The following PRSS37 variants were observed in gnomAD, a reference collection of about 807,000 sequenced individuals.
PRSS37 encodes serine protease 37.
PRSS37 carries 25 observed loss-of-function variants against 28.0 expected under a neutral mutation model. That is an observed-to-expected ratio of 0.89 (90% confidence interval 0.65 to 1.25). The LOEUF is 1.25. Among genes scored for constraint, PRSS37 ranks in the 50% most tolerant of loss-of-function variants. The pLI is 0.00. For missense variants in PRSS37, 282 were observed against 292.2 expected, an observed-to-expected ratio of 0.97 and a Z score of 0.25; for synonymous variants, 109 against 107.8, an observed-to-expected ratio of 1.01 and a Z score of -0.07.
At chr7:141,839,020 A>AAAAAAG (rs2117269721) in intron 2 of PRSS37, 1 of 511,492 alleles carries the variant, frequency 2.0e-6, no homozygotes, top group East Asian at 5.2e-5. Context: ...AGTAAAAAAA[A>AAAAAAG]AAAAAGAAAA....
intron 2 of PRSS37, chr7:141,838,445 T>C (rs1801041848): frequency 5.9e-6 from 7 of 1,189,046 alleles, no homozygotes; most frequent in Non-Finnish European, 7.4e-6. Context: ...AATGTCCATT[T>C]TGGTGGAGAC....
rs766186155 is a variant in PRSS37 at position 141,839,347 on chromosome 7, C to A, written c.167G>T (p.Cys56Phe). 32 of 1,613,568 alleles carry A rather than the reference C, an allele frequency of 2.0e-5. No individual in the cohort carries two copies. Among genetic ancestry groups the A allele is most frequent in the Non-Finnish European group, 1.7e-6 (2 of 1,179,800 alleles). ...KPSWVLAPAH[C>F]YLPNLKVMLG... ...TGCCCAAATACTCAACGGTAAATAG[C>A]AGTGAGCTGGGGCCAGCACCCAGCT... The change falls in exon 2 of 5, where the codon TGC (cysteine) becomes TTC (phenylalanine). Residue 56 changes from cysteine to phenylalanine, a missense_variant. Transcript: ENST00000350549.
Position 141,836,551 on chromosome 7 carries a change from CAGAG to C in PRSS37, c.568-20_568-17del, listed in dbSNP as rs10657416. The C allele has an allele frequency of 9.3e-4, 1,419 of 1,531,676 alleles. No homozygotes were observed. The highest frequency in any genetic ancestry group is 6.2e-3 in the African/African-American group (447 of 72,418). The allele number at this position is 1,531,676 out of a possible 1,614,324, so 94.9% of individuals were successfully genotyped here. ...CGGCCACCTCCTACCGGAGATCATG[CAGAG>C]AGAGAGAGAGAGAGAGAGTAAGAGT... is the stretch of plus-strand genomic sequence containing the variant. On this transcript the variant is annotated splice_polypyrimidine_tract_variant and intron_variant, in intron 4 of 4. Transcript: ENST00000350549.
In PRSS37 at chr7:141,839,439, G is replaced by T; in HGVS notation, c.75C>A (p.Asp25Glu). Residue 25 changes from aspartate to glutamate, a missense_variant, in exon 2 of 5, where the codon GAC becomes GAA. Asp to Glu is a conservative substitution (Grantham distance 45). Coordinates refer to ENST00000350549, the MANE Select transcript of PRSS37 (RefSeq NM_001008270.3). ...TGAGGTACACCAAATAGGGAGCAGG[G>T]TCTTCTTTCTGAACAGATGAGTCAG... ...FFADSSVQKE[D>E]PAPYLVYLKS... The T allele has an allele frequency of 6.2e-7, 1 of 1,613,614 alleles. No homozygotes were observed. Among genetic ancestry groups the T allele is most frequent in the Non-Finnish European group, 8.5e-7 (1 of 1,179,640 alleles).
rs1444889719 is a variant in PRSS37, at chr7:141,837,577, G to A, written c.430+283C>T. 9 of 1,503,792 alleles carry A rather than the reference G, an allele frequency of 6.0e-6. No individual in the cohort carries two copies. In the Admixed American group the frequency reaches 1.2e-4, roughly 20 times the overall value. The allele number at this position is 1,503,792 out of a possible 1,614,324, so 93.2% of individuals were successfully genotyped here. A position where few individuals can be genotyped will look rare whatever the true frequency, so the allele number is the denominator to read the frequency against. On this transcript the variant is annotated intron_variant, in intron 3 of 4. Transcript: ENST00000350549. ...GGACCACACCTTGTTCATGTGAATT[G>A]TGTCTCTGCCAATCAGGAATGGCTG...
intron 2 of PRSS37, chr7:141,838,822 C>A: frequency 2.8e-6 from 1 of 357,694 alleles, no homozygotes; most frequent in South Asian, 2.2e-5. Flanking sequence ...CTTTTTAGGC[C>A]TAGAGGTGGT....
At chr7:141,838,355 A>G in intron 2 of PRSS37, 1 of 1,373,940 alleles carries the variant, frequency 7.3e-7, no homozygotes, top group South Asian at 1.7e-5. Flanking sequence ...ACTACATTTT[A>G]ATGTTGTGTT....
Position 141,836,475 on chromosome 7 carries a change from A to G in PRSS37, c.628T>C (p.Phe210Leu). Residue 210 changes from phenylalanine (F) to leucine (L), a missense_variant, in exon 5 of 5, where the codon TTC becomes CTC. Physicochemically the swap from Phe to Leu is conservative, Grantham distance 22. Coordinates refer to ENST00000350549, the MANE Select transcript of PRSS37 (RefSeq NM_001008270.3). ...DKLQGIEVGH[F>L]MGGDVGIYTN... ...TAGATGCCGACGTCCCCTCCCATGAAGTGCCCCACCTCGATTCCCTGGAGC... is the reference window on the plus strand; with the variant it reads ...TAGATGCCGACGTCCCCTCCCATGAGGTGCCCCACCTCGATTCCCTGGAGC... The G allele has an allele frequency of 6.2e-7, 1 of 1,611,966 alleles. No individual in the cohort carries two copies. The highest frequency in any genetic ancestry group is 8.5e-7 in the Non-Finnish European group (1 of 1,179,192).
chr7:141,836,582 T>A, intron 4 of PRSS37, 47 bp from the exon 5 acceptor site: 2 of 1,597,382 alleles, frequency 1.3e-6, no homozygotes, highest in Non-Finnish European at 1.7e-6. Flanking sequence ...AGTAAGAGTG[T>A]CAGATCTTCT....
rs1800961678 is a variant in PRSS37, at chr7:141,836,517, C to T, written c.586G>A (p.Val196Ile). Residue 196 changes from valine to isoleucine, a missense_variant, in exon 5 of 5, where the codon GTC becomes ATC. Coordinates refer to ENST00000350549, the MANE Select transcript of PRSS37 (RefSeq NM_001008270.3). ...RIFGEVAVAT[V>I]ICKDKLQGIE... ...CCCTGGAGCTTGTCTTTGCAGATGA[C>T]AGTAGCAACGGCCACCTCCTACCGG... 6.2e-7 allele frequency: 1 copy of T among 1,614,036 alleles called. No individual in the cohort carries two copies. Among genetic ancestry groups the T allele is most frequent in the East Asian group, 2.2e-5 (1 of 44,874 alleles).
chr7:141,838,499 C>T, intron 2 of PRSS37: 2 of 1,100,092 alleles, frequency 1.8e-6, no homozygotes, highest in Non-Finnish European at 2.2e-6. Context: ...TGTTTGGTTC[C>T]CTAGCTGATG....
chr7:141,837,927 G>A lies in PRSS37; in HGVS notation c.363C>T (p.Ala121=), dbSNP rs1332479257. The part of the protein sequence containing the change: ...LNPKVQPLTL[A]TTNVRPGTVC... ...CAGTGCCTGGCCTGACATTGGTGGT[G>A]GCGAGGGTAAGGGGCTGGACTTTGG... is the stretch of plus-strand genomic sequence containing the variant. Residue 121 remains alanine (A), a synonymous_variant, in exon 3 of 5, where the codon GCC becomes GCT. Coordinates refer to ENST00000350549, the MANE Select transcript of PRSS37 (RefSeq NM_001008270.3). The A allele has an allele frequency of 1.2e-6, 2 of 1,614,104 alleles. No homozygotes were observed. Among genetic ancestry groups the A allele is most frequent in the East Asian group, 2.2e-5 (1 of 44,818 alleles).
intron 4 of PRSS37, among the ~76,000 whole-genome samples, chr7:141,836,821 A>T (rs1480889473): frequency 1.3e-5 from 2 of 152,156 alleles, no homozygotes; most frequent in Non-Finnish European, 2.9e-5. Context: ...TCTATTTGTG[A>T]AAAGTCTGAT....
In PRSS37 at chr7:141,836,449, G is replaced by T; in HGVS notation, c.654C>A (p.Tyr218Ter). 1 of 1,614,174 alleles carries T rather than the reference G, an allele frequency of 6.2e-7. No homozygotes were observed. The highest frequency in any genetic ancestry group is 1.6e-4 in the Middle Eastern group (1 of 6,062). Residue 218 changes from tyrosine to a stop codon, truncating the protein, a stop_gained, in exon 5 of 5, where the codon TAC (tyrosine) becomes TAA (stop). Coordinates refer to ENST00000350549, the MANE Select transcript of PRSS37 (RefSeq NM_001008270.3). LOFTEE classifies it high-confidence loss of function. ...AGGATACATATTTGTAAACATTGGT[G>T]TAGATGCCGACGTCCCCTCCCATGA... ...GHFMGGDVGIYTNVYKYVSWI... is the reference protein window; with the variant it reads ...GHFMGGDVGI
At position 141,839,365 on chromosome 7, in the gene PRSS37, A is replaced by G. The variant is rs765069019; in HGVS notation, c.149T>C (p.Val50Ala). 1 of 1,613,862 alleles carries G rather than the reference A, an allele frequency of 6.2e-7. No homozygotes were observed. Among genetic ancestry groups the G allele is most frequent in the Admixed American group, 1.7e-5 (1 of 60,006 alleles). ...TAAATAGCAGTGAGCTGGGGCCAGC[A>G]CCCAGCTGGGTTTGATGAGGACGCC... ...CVGVLIKPSW[V>A]LAPAHCYLPN... Residue 50 changes from valine to alanine, a missense_variant, in exon 2 of 5, where the codon GTG becomes GCG. Val to Ala is a moderately conservative substitution (Grantham distance 64). Coordinates refer to ENST00000350549, the MANE Select transcript of PRSS37 (RefSeq NM_001008270.3).
chr7:141,837,801 T>C, intron 3 of PRSS37, 59 bp downstream of exon 3: 3 of 1,578,068 alleles, frequency 1.9e-6, no homozygotes, highest in Non-Finnish European at 2.6e-6. Flanking sequence ...TATGAGGATA[T>C]GGATGTTCCT....
chr7:141,837,201 C>G lies in PRSS37; in HGVS notation c.478G>C (p.Asp160His). The G allele has an allele frequency of 6.2e-7, 1 of 1,613,002 alleles. No homozygotes were observed. Among genetic ancestry groups the G allele is most frequent in the Non-Finnish European group, 8.5e-7 (1 of 1,179,634 alleles). The change falls in exon 4 of 5, where the codon GAT becomes CAT. Residue 160 changes from aspartate (D) to histidine (H), a missense_variant. Physicochemically the swap from Asp to His is moderately conservative, Grantham distance 81. Coordinates refer to ENST00000350549, the MANE Select transcript of PRSS37 (RefSeq NM_001008270.3). Reference protein sequence around the residue: ...RQNLEAPVMSDRECQKTEQGK... With the variant: ...RQNLEAPVMSHRECQKTEQGK... The stretch of plus-strand genomic sequence containing the variant: ...TGTTCTGTTTTTTGGCATTCTCGAT[C>G]AGACATCACGGGGGCCTCCAGGTTC...
intron 2 of PRSS37, 106 bp from the exon 3 acceptor site, chr7:141,838,219 T>C: frequency 1.3e-6 from 2 of 1,540,058 alleles, no homozygotes; most frequent in Non-Finnish European, 1.8e-6. Context: ...TTTTCTGGAT[T>C]ATGTCATTTA....
At chr7:141,838,953 G>A (rs1311977692) in intron 2 of PRSS37, 4 of 461,374 alleles carry the variant, frequency 8.7e-6, no homozygotes, top group Admixed American at 7.1e-5. Flanking sequence ...GACCCAATTT[G>A]AGTGCATCAT....
Sources: allele counts gnomAD v4.1 joint callset (sites outside exome capture counted in the v4.1 genomes callset), GRCh38; gene constraint gnomAD v4.1.1; transcripts MANE v1.5; gene names NCBI Gene and HGNC (gene_info 2026-07-23, HGNC 2026-07-21).